The following DLEU7 variants were observed in gnomAD, a reference collection of about 807,000 sequenced individuals.
The protein encoded by DLEU7 is leukemia-associated protein 7.
DLEU7 carries 17 observed loss-of-function variants against 16.0 expected under a neutral mutation model. That is an observed-to-expected ratio of 1.06 (90% CI 0.73 to 1.59). The LOEUF is 1.59. DLEU7 is among the 40% of genes most tolerant of loss of function. DLEU7 has a pLI of 0.00. For synonymous variants in DLEU7, 113 were observed against 139.8 expected (o/e 0.81, Z 1.35); for missense variants, 308 against 314.9 (o/e 0.98, Z 0.17).
At chr13:50,728,235 T>G (rs1873820548) in intron 1 of DLEU7, among the ~76,000 whole-genome samples, 1 of 152,170 alleles carries the variant, frequency 6.6e-6, no homozygotes, top group African/African-American at 2.4e-5. Flanking sequence ...GTCTGCAGCT[T>G]TTTCCAATTA....
rs188607359 is a variant in DLEU7 at position 50,794,094 on chromosome 13, C to T, written c.459+49094G>A. On this transcript the variant is annotated intron_variant, in intron 1 of 1. Coordinates refer to the DLEU7 transcript ENST00000400393. ...GGATAGACATGGTTTAGTTTTTAAA[C>T]AACTTGTAAGTATTTGAAATCATCT... 2.2e-4 allele frequency among the ~76,000 whole-genome samples: 34 copies of T among 152,114 alleles called. 1 individual carries two copies. The highest frequency in any genetic ancestry group is 3.4e-3 in the Middle Eastern group (1 of 294).
At chr13:50,711,772 C>CCGGGGGGGGGGGGGGGGGGGGGGGGGG, downstream of DLEU7, 5 of 72,916 alleles carry the variant, frequency 6.9e-5, 1 homozygote, top group Admixed American at 1.5e-4. Context: ...GACCCAGTGG[C>CCGGGGGGGGGGGGGGGGGGGGGGGGGG]GGGGGCGGGG....
At chr13:50,788,406 A>C (rs1397248281) in intron 1 of DLEU7, among the ~76,000 whole-genome samples, 1 of 152,198 alleles carries the variant, frequency 6.6e-6, no homozygotes, top group Non-Finnish European at 1.5e-5. Context: ...TGTGTGTGAA[A>C]ACACTGACGA....
chr13:50,767,213 T>C (rs943453905), intron 1 of DLEU7, among the ~76,000 whole-genome samples: 1 of 151,960 alleles, frequency 6.6e-6, no homozygotes, highest in African/African-American at 2.4e-5. Context: ...CCCAGCACTT[T>C]GGGAGGCCGA....
At chr13:50,838,415 G>A (rs1566270423) in intron 1 of DLEU7, among the ~76,000 whole-genome samples, 1 of 152,228 alleles carries the variant, frequency 6.6e-6, no homozygotes, top group Non-Finnish European at 1.5e-5. Flanking sequence ...AATGAAGATA[G>A]ACAAAACTCA....
rs971901373 is a variant in DLEU7 at position 50,823,092 on chromosome 13, T to A, written c.*222A>T. 1.5e-6 allele frequency: 2 copies of A among 1,336,634 alleles called. No homozygotes were observed. Among genetic ancestry groups the A allele is most frequent in the African/African-American group, 2.9e-5 (2 of 68,014 alleles). 82.8% of individuals were successfully genotyped at this position (1,336,634 alleles called of 1,614,324 possible). A position where few individuals can be genotyped will look rare whatever the true frequency, so the allele number is the denominator to read the frequency against. Reference sequence around the variant, plus strand: ...TTCAATCAGAAAGTCAGCAAATAGGTCAATATACTTAAAAATATGAACTAC... The same window carrying A: ...TTCAATCAGAAAGTCAGCAAATAGGACAATATACTTAAAAATATGAACTAC... On this transcript the variant is annotated 3_prime_UTR_variant, in exon 2 of 2. Transcript: ENST00000504404.
At chr13:50,722,210 A>G (rs901609925) in intron 1 of DLEU7, among the ~76,000 whole-genome samples, 3 of 152,138 alleles carry the variant, frequency 2.0e-5, no homozygotes, top group Non-Finnish European at 4.4e-5. Context: ...CTTTGGTGTA[A>G]AGAATAAGGT....
chr13:50,810,608 A>G (rs747348286), intron 1 of DLEU7, among the ~76,000 whole-genome samples: 23 of 152,144 alleles, frequency 1.5e-4, no homozygotes, highest in Non-Finnish European at 2.6e-4. Context: ...AAATCACCGC[A>G]TTAGGGGAAA....
intron 1 of DLEU7, among the ~76,000 whole-genome samples, chr13:50,791,146 C>T (rs550343455): frequency 6.6e-6 from 1 of 152,260 alleles, no homozygotes; most frequent in East Asian, 1.9e-4. Context: ...TAATCACACT[C>T]ATTAAAGAAA....
At chr13:50,808,231 TG>T (rs1876451188) in intron 1 of DLEU7, among the ~76,000 whole-genome samples, 1 of 152,160 alleles carries the variant, frequency 6.6e-6, no homozygotes, top group South Asian at 2.1e-4. Flanking sequence ...CCTTCCCTGG[TG>T]GGGCCATAAC....
At chr13:50,725,136 A>C (rs1265669516) in intron 1 of DLEU7, among the ~76,000 whole-genome samples, 1 of 152,138 alleles carries the variant, frequency 6.6e-6, no homozygotes, top group Non-Finnish European at 1.5e-5. Context: ...CCCTGGTGCC[A>C]GCAGTGACCT....
intron 1 of DLEU7, among the ~76,000 whole-genome samples, chr13:50,743,086 T>C (rs1052741814): frequency 3.9e-5 from 6 of 152,126 alleles, no homozygotes; most frequent in African/African-American, 1.4e-4. Context: ...TAATTCTTTC[T>C]TCCCTTTAAA....
intron 1 of DLEU7, among the ~76,000 whole-genome samples, chr13:50,825,141 ATAAT>A (rs1877044763): frequency 6.6e-6 from 1 of 152,120 alleles, no homozygotes; most frequent in Admixed American, 6.5e-5. Context: ...GTTTAGTCAA[ATAAT>A]TAGTCATCCT....
chr13:50,827,325 T>C (rs1877119891), intron 1 of DLEU7, among the ~76,000 whole-genome samples: 1 of 152,090 alleles, frequency 6.6e-6, no homozygotes, highest in Admixed American at 6.5e-5. Flanking sequence ...GTAAGAGTTA[T>C]TATTAAAAGT....
chr13:50,764,018 A>T (rs1432148368), intron 1 of DLEU7, among the ~76,000 whole-genome samples: 2 of 152,252 alleles, frequency 1.3e-5, no homozygotes, highest in Non-Finnish European at 2.9e-5. Flanking sequence ...GGCTGTGTTT[A>T]TAGTCCCGCA....
intron 1 of DLEU7, among the ~76,000 whole-genome samples, chr13:50,825,863 A>G (rs1271640561): frequency 1.3e-5 from 2 of 152,198 alleles, no homozygotes; most frequent in Non-Finnish European, 2.9e-5. Context: ...AACTAAGATT[A>G]TTATTTTTTA....
At position 50,780,379 on chromosome 13, in the gene DLEU7, G is replaced by A. The variant is rs570922359; in HGVS notation, c.459+62809C>T. Among the ~76,000 whole-genome samples the A allele has an allele frequency of 5.9e-5, 9 of 152,312 alleles. No homozygotes were observed. In the South Asian group the frequency reaches 1.4e-3, roughly 25 times the overall value. ...AAAACCTGGATTTATTGGCATTCAC[G>A]AATGTGAAGGGTCATTTTGTTTTTT... On this transcript the variant is annotated intron_variant, in intron 1 of 1. Transcript: ENST00000400393.
chr13:50,763,406 A>C (rs547299576), intron 1 of DLEU7, among the ~76,000 whole-genome samples: 1 of 152,324 alleles, frequency 6.6e-6, no homozygotes, highest in Non-Finnish European at 1.5e-5. Context: ...GCAGTTATTC[A>C]AGTAAGACAT....
chr13:50,792,863 CTTT>C (rs34476833), intron 1 of DLEU7, among the ~76,000 whole-genome samples: 1 of 145,412 alleles, frequency 6.9e-6, no homozygotes, highest in Non-Finnish European at 1.5e-5. Flanking sequence ...CTTTGCTCCT[CTTT>C]TTTTTTTTTT....
Sources: allele counts gnomAD v4.1 joint callset (sites outside exome capture counted in the v4.1 genomes callset), GRCh38; gene constraint gnomAD v4.1.1; transcripts MANE v1.5; gene names NCBI Gene and HGNC (gene_info 2026-07-23, HGNC 2026-07-21).